FOXM1: variants seen among roughly 807,000 people sequenced by gnomAD.
FOXM1 encodes forkhead box protein M1.
A neutral mutation model predicts 63.6 loss-of-function variants in FOXM1; 25 were observed. The ratio of observed to expected loss-of-function variants is 0.39; its 90% CI spans 0.29 to 0.55. The LOEUF (loss-of-function observed/expected upper bound fraction) is 0.55. Among genes scored for constraint, FOXM1 ranks in the 20% least tolerant of loss-of-function variants. The pLI is 0.60. For synonymous variants in FOXM1, 387 were observed against 376.9 expected (o/e 1.03, Z -0.31); for missense variants, 879 against 958.7 (o/e 0.92, Z 1.10).
At chr12:2,860,842 G>A (rs2153932638) in intron 8 of FOXM1, among the ~76,000 whole-genome samples, 1 of 146,172 alleles carries the variant, frequency 6.8e-6, no homozygotes, top group African/African-American at 2.6e-5. Flanking sequence ...TTCAGCCTGG[G>A]TGACATAGCA....
In FOXM1 at chr12:2,860,178, A is replaced by G. The variant is rs1427066578; in HGVS notation, c.1267-515T>C. Among the ~76,000 whole-genome samples, 4 of 152,326 alleles carry G rather than the reference A, an allele frequency of 2.6e-5. No individual in the cohort carries two copies. The East Asian group carries it at 5.8e-4, about 22-fold the overall frequency. ...AGAGAAGAGAGACATTTGACTACAT[A>G]AAACTTTAAAATTTTACTGTGGCAA... On this transcript the variant is annotated intron_variant, in intron 8 of 8. Transcript: ENST00000359843.
intron 4 of FOXM1, among the ~76,000 whole-genome samples, chr12:2,866,848 G>C (rs1227130007): frequency 6.6e-6 from 1 of 152,224 alleles, no homozygotes; most frequent in Non-Finnish European, 1.5e-5. Context: ...GTGGCTCAGA[G>C]AAATTAAGAA....
In FOXM1 at chr12:2,857,921, C is replaced by T. The variant is rs1020978732; in HGVS notation, c.*717G>A. ...CTAATAGCGCACATCTGGGCACCCA[C>T]ACTCTGCTTCAGTTGCATCCATCCT... On this transcript the variant is annotated 3_prime_UTR_variant, in exon 9 of 9. Transcript: ENST00000359843. 6.6e-6 allele frequency: 1 copy of T among 152,514 alleles called. No individual in the cohort carries two copies. Among genetic ancestry groups the T allele is most frequent in the Non-Finnish European group, 1.5e-5 (1 of 68,128 alleles). The allele number at this position is 152,514 out of a possible 1,614,324, so 9.4% of individuals were successfully genotyped here.
In FOXM1 at chr12:2,864,724, C is replaced by T. The variant is rs577007302; in HGVS notation, c.1049G>A (p.Arg350His). The change falls in exon 7 of 9, where the codon CGC becomes CAC. Residue 350 changes from arginine (R) to histidine (H), a missense_variant. This residue lies in a region of FOXM1 where 76 missense variants were observed against 94.5 expected (regional missense o/e 0.80). Coordinates refer to ENST00000359843, the MANE Select transcript of FOXM1 (RefSeq NM_021953.4). The surrounding 1 kb of genome is among the most constrained non-coding windows in gnomAD (Gnocchi z 5.1). ...TTCGGTTTTGATGGTCATGTTCCGGCGGAGCTCTGGATTCGGTCGTTTCTG... is the reference window on the plus strand; with the variant it reads ...TTCGGTTTTGATGGTCATGTTCCGGTGGAGCTCTGGATTCGGTCGTTTCTG... Reference protein sequence around the residue: ...SQQKRPNPELRRNMTIKTELP... With the variant: ...SQQKRPNPELHRNMTIKTELP... The T allele has an allele frequency of 2.0e-5, 32 of 1,614,146 alleles. No homozygotes were observed. Among genetic ancestry groups the T allele is most frequent in the South Asian group, 9.9e-5 (9 of 91,080 alleles).
Position 2,858,760 on chromosome 12 carries a change from G to C in FOXM1, c.2170C>G (p.Leu724Val). Residue 724 changes from leucine (L) to valine (V), a missense_variant, in exon 9 of 9, where the codon CTG (leucine) becomes GTG (valine). Around this residue, in one of 4 missense-constraint regions of FOXM1, gnomAD observed 486 missense variants for 453.5 expected, o/e 1.07. Transcript: ENST00000359843. ...CTGAGGCTGTCATTCATTGTGTCCAGGACCAGGCCTTCTGTCAGAGAACGA... is the reference window on the plus strand; with the variant it reads ...CTGAGGCTGTCATTCATTGTGTCCACGACCAGGCCTTCTGTCAGAGAACGA... ...ANRSLTEGLV[L>V]DTMNDSLSKI... is the part of the protein sequence containing the mutation. 1 of 1,614,220 alleles carries C rather than the reference G, an allele frequency of 6.2e-7. No individual in the cohort carries two copies. The highest frequency in any genetic ancestry group is 8.5e-7 in the Non-Finnish European group (1 of 1,180,046).
In FOXM1 at chr12:2,865,393, C is replaced by T. The variant is rs561971377; in HGVS notation, c.982G>A (p.Asp328Asn). The T allele has an allele frequency of 6.1e-5, 98 of 1,610,102 alleles. No homozygotes were observed. The South Asian group carries it at 1.0e-3, about 17-fold the overall frequency. The change falls in exon 6 of 9, where the codon GAC (aspartate) becomes AAC (asparagine). Residue 328 changes from aspartate (D) to asparagine (N), a missense_variant. Around this residue, in one of 4 missense-constraint regions of FOXM1, gnomAD observed 76 missense variants for 94.5 expected, o/e 0.80. Coordinates refer to ENST00000359843, the MANE Select transcript of FOXM1 (RefSeq NM_021953.4). ...TCGGGCAATTGTGGAGACCCTGGGT[C>T]CAGTGGCTGGTGGCGGCCAGGCATT... ...LTLDQVFKPLDPGSPQLPEHL... is the reference protein window; with the variant it reads ...LTLDQVFKPLNPGSPQLPEHL...
chr12:2,858,739 G>C lies in FOXM1; in HGVS notation c.2191C>G (p.Leu731Val). Reference protein sequence around the residue: ...GLVLDTMNDSLSKILLDISFP... With the variant: ...GLVLDTMNDSVSKILLDISFP... ...CTGATGTCCAGCAGGATCTTGCTGA[G>C]GCTGTCATTCATTGTGTCCAGGACC... Residue 731 changes from leucine to valine, a missense_variant, in exon 9 of 9, where the codon CTC (leucine) becomes GTC (valine). By Grantham distance (32) the Leu-to-Val change is conservative. Coordinates refer to ENST00000359843, the MANE Select transcript of FOXM1 (RefSeq NM_021953.4). The C allele has an allele frequency of 4.3e-6, 7 of 1,614,234 alleles. No homozygotes were observed. The South Asian group carries it at 6.6e-5, about 15-fold the overall frequency.
chr12:2,862,079 C>T (rs940877213), intron 8 of FOXM1, among the ~76,000 whole-genome samples: 3 of 151,026 alleles, frequency 2.0e-5, no homozygotes, highest in South Asian at 2.1e-4. Context: ...CTCAGGAGGC[C>T]GAGGCAGGAG....
chr12:2,869,704 T>C (rs1018111879), intron 3 of FOXM1, among the ~76,000 whole-genome samples: 11 of 151,578 alleles, frequency 7.3e-5, no homozygotes, highest in Admixed American at 1.3e-4. Flanking sequence ...CCCAGAGTGA[T>C]GGGATTACAG....
rs941405297 is a variant in FOXM1, at chr12:2,858,806, C to G, written c.2124G>C (p.Gln708His). 1.2e-6 allele frequency: 2 copies of G among 1,614,180 alleles called. No homozygotes were observed. Among genetic ancestry groups the G allele is most frequent in the African/African-American group, 2.7e-5 (2 of 75,034 alleles). The change falls in exon 9 of 9, where the codon CAG becomes CAC. Residue 708 changes from glutamine (Q) to histidine (H), a missense_variant. By Grantham distance (24) the Gln-to-His change is conservative. Around this residue, in one of 4 missense-constraint regions of FOXM1, gnomAD observed 486 missense variants for 453.5 expected, o/e 1.07. Transcript: ENST00000359843. ...AACGATTGGCTGCAAGGCCAGAAAC[C>G]TGTGGCTCCGGGGAGCCTGGCTTGG... ...DVPKPGSPEP[Q>H]VSGLAANRSL... is the part of the protein sequence containing the mutation.
chr12:2,873,581 T>C (rs1326586408), intron 2 of FOXM1, among the ~76,000 whole-genome samples: 1 of 147,982 alleles, frequency 6.8e-6, no homozygotes, highest in Non-Finnish European at 1.5e-5. Flanking sequence ...TCTTTTTTCA[T>C]TTTTATTTTT....
At chr12:2,867,237 G>T (rs2098124776) in intron 4 of FOXM1, among the ~76,000 whole-genome samples, 2 of 152,132 alleles carry the variant, frequency 1.3e-5, no homozygotes, top group Admixed American at 6.6e-5. Context: ...GGCTAAGGCA[G>T]GAGGAGTGCT....
At position 2,858,880 on chromosome 12, in the gene FOXM1, G is replaced by C. The variant is rs2098099704; in HGVS notation, c.2050C>G (p.Leu684Val). ...GAGTTGCCAAAGGGGACGGAGATGA[G>C]GTCTAAGGGTTCTGAACTGAGGAGC... is the stretch of plus-strand genomic sequence containing the variant. ...QRLLSSEPLD[L>V]ISVPFGNSSP... Residue 684 changes from leucine to valine, a missense_variant, in exon 9 of 9, where the codon CTC becomes GTC. Physicochemically the swap from Leu to Val is conservative, Grantham distance 32. This residue lies in a region of FOXM1 where 486 missense variants were observed against 453.5 expected (regional missense o/e 1.07). Coordinates refer to ENST00000359843, the MANE Select transcript of FOXM1 (RefSeq NM_021953.4). The C allele has an allele frequency of 6.2e-7, 1 of 1,614,010 alleles. No homozygotes were observed. Among genetic ancestry groups the C allele is most frequent in the African/African-American group, 1.3e-5 (1 of 74,910 alleles).
intron 2 of FOXM1, among the ~76,000 whole-genome samples, chr12:2,873,436 G>T (rs2098136661): frequency 6.6e-6 from 1 of 151,026 alleles, no homozygotes; most frequent in Non-Finnish European, 1.5e-5. Flanking sequence ...AATGAAGTCA[G>T]GCGCTGTCGT....
chr12:2,866,760 T>C (rs1286897082), intron 4 of FOXM1, among the ~76,000 whole-genome samples: 3 of 152,192 alleles, frequency 2.0e-5, no homozygotes, highest in Middle Eastern at 3.2e-3. Context: ...TAGATTGTGA[T>C]AAAGAAAAGA....
intron 1 of FOXM1, among the ~76,000 whole-genome samples, chr12:2,875,864 G>C (rs983589866): frequency 6.6e-6 from 1 of 150,728 alleles, no homozygotes; most frequent in Admixed American, 6.6e-5. Flanking sequence ...GGGTTCAAGC[G>C]ATTCTCCTGC....
chr12:2,875,990 TCCTCAGGTGATCC>T (rs1244572923), intron 1 of FOXM1, among the ~76,000 whole-genome samples: 5 of 151,546 alleles, frequency 3.3e-5, no homozygotes, highest in African/African-American at 1.2e-4. Flanking sequence ...GGTCTTGAAC[TCCTCAGGTGATCC>T]ACCCGCCTCG....
chr12:2,874,670 C>A lies in FOXM1; in HGVS notation c.-47-145G>T. 1 of 610,786 alleles carries A rather than the reference C, an allele frequency of 1.6e-6. No individual in the cohort carries two copies. Among genetic ancestry groups the A allele is most frequent in the East Asian group, 2.7e-5 (1 of 36,602 alleles). The allele number at this position is 610,786 out of a possible 1,614,324, so 37.8% of individuals were successfully genotyped here. On this transcript the variant is annotated intron_variant, in intron 1 of 8. Coordinates refer to ENST00000359843, the MANE Select transcript of FOXM1 (RefSeq NM_021953.4). This position sits in a 1 kb window ranked among gnomAD's most constrained non-coding sequence, Gnocchi z 4.3. Reference sequence around the variant, plus strand: ...ATTCCATGGACTTTTGTAAAGACCTCAGATAATAAGGAGATAAGCTTTACT... The same window carrying A: ...ATTCCATGGACTTTTGTAAAGACCTAAGATAATAAGGAGATAAGCTTTACT...
Position 2,864,063 on chromosome 12 carries a change from C to T in FOXM1, c.1266+257G>A. 1 of 428,942 alleles carries T rather than the reference C, an allele frequency of 2.3e-6. No individual in the cohort carries two copies. Among genetic ancestry groups the T allele is most frequent in the South Asian group, 3.7e-5 (1 of 27,270 alleles). 26.6% of individuals were successfully genotyped at this position (428,942 alleles called of 1,614,324 possible). A position where few individuals can be genotyped will look rare whatever the true frequency, so the allele number is the denominator to read the frequency against. On this transcript the variant is annotated intron_variant, in intron 8 of 8. Transcript: ENST00000359843. The surrounding 1 kb of genome is among the most constrained non-coding windows in gnomAD (Gnocchi z 5.1). Reference sequence around the variant, plus strand: ...TGTATCTTCCTTAATAATCCTAGCCCATCTATCACAATCACTTTTGTCTGA... The same window carrying T: ...TGTATCTTCCTTAATAATCCTAGCCTATCTATCACAATCACTTTTGTCTGA...
Sources: gnomAD v4.1 joint callset for allele counts (sites outside exome capture counted in the v4.1 genomes callset) on GRCh38, gnomAD v4.1.1 for gene constraint, gnomAD v4.1.1 regional missense constraint, Gnocchi (gnomAD v3.1) non-coding constraint, MANE v1.5 for transcripts, NCBI Gene and HGNC (gene_info 2026-07-23, HGNC 2026-07-21) for gene names.